DHTKD1: variants seen among roughly 807,000 people sequenced by gnomAD.
The protein encoded by DHTKD1 is dehydrogenase E1 and transketolase domain containing 1, also known as 2-oxoadipate dehydrogenase complex component E1.
In DHTKD1, 78 loss-of-function variants were observed where a neutral mutation model predicts 101.8. That is an observed-to-expected ratio of 0.77 (90% CI 0.64 to 0.93). The LOEUF is 0.93. Ranked by LOEUF, DHTKD1 falls within the 40% of genes least tolerant of loss-of-function variation. DHTKD1 has a pLI of 0.00. For synonymous variants in DHTKD1, 462 were observed against 450.3 expected (o/e 1.03, Z -0.33); for missense variants, 1,223 against 1,161.7 (o/e 1.05, Z -0.77).
intron 2 of DHTKD1, among the ~76,000 whole-genome samples, chr10:12,082,603 TTC>T (rs1564389474): frequency 7.4e-6 from 1 of 135,062 alleles, no homozygotes; most frequent in Non-Finnish European, 1.6e-5. Flanking sequence ...GGTGGTAGTT[TTC>T]TCTCTTTTTT....
intron 6 of DHTKD1, among the ~76,000 whole-genome samples, chr10:12,093,077 C>T (rs57276803): frequency 0.016 from 2,386 of 147,472 alleles, 65 homozygotes; most frequent in African/African-American, 0.057. Context: ...GAGTTTCGCT[C>T]TTGTTGCCCA....
rs551721302 is a variant in DHTKD1 at position 12,118,959 on chromosome 10, C to T, written c.2572+41C>T. ...CATTTGGGTTTTGATGTTCAGATAC[C>T]CAAAACCCATTTCAGCTCTTTTAAA... On this transcript the variant is annotated intron_variant, in intron 15 of 16. Coordinates refer to ENST00000263035, the MANE Select transcript of DHTKD1 (RefSeq NM_018706.7). 9.0e-6 allele frequency: 13 copies of T among 1,447,238 alleles called. No homozygotes were observed. The South Asian group carries it at 1.9e-4, about 21-fold the overall frequency. 89.6% of individuals were successfully genotyped at this position (1,447,238 alleles called of 1,614,324 possible). A position where few individuals can be genotyped will look rare whatever the true frequency, so the allele number is the denominator to read the frequency against.
Position 12,117,679 on chromosome 10 carries a change from G to A in DHTKD1, c.2326G>A (p.Val776Met), listed in dbSNP as rs200042516. 43 of 1,595,626 alleles carry A rather than the reference G, an allele frequency of 2.7e-5. 1 individual carries two copies. Among genetic ancestry groups the A allele is most frequent in the South Asian group, 1.1e-4 (10 of 89,086 alleles). ...PKMLLRLPAA[V>M]STLQEMAPGT... ...GGCCTCTTCTCCCTCGTAGGCAGCC[G>A]TGTCAACTCTTCAAGAAATGGCACC... Residue 776 changes from valine (V) to methionine (M), a missense_variant, in exon 14 of 17, where the codon GTG becomes ATG. Coordinates refer to ENST00000263035, the MANE Select transcript of DHTKD1 (RefSeq NM_018706.7).
intron 8 of DHTKD1, among the ~76,000 whole-genome samples, chr10:12,099,793 CTTTTTTTTTTTT>C (rs55758504): frequency 1.0e-5 from 1 of 96,188 alleles, no homozygotes; most frequent in African/African-American, 3.6e-5. Context: ...AATTTCGTTG[CTTTTTTTTTTTT>C]TTTTTTTTTG....
At chr10:12,109,771 T>C (rs1272163949) in intron 12 of DHTKD1, among the ~76,000 whole-genome samples, 2 of 150,588 alleles carry the variant, frequency 1.3e-5, no homozygotes, top group East Asian at 1.9e-4. Flanking sequence ...TGAGACCAGC[T>C]TGGGCAACAT....
intron 11 of DHTKD1, 146 bp downstream of exon 11, chr10:12,106,542 T>C (rs1185204202): frequency 1.0e-6 from 1 of 1,004,712 alleles, no homozygotes; most frequent in East Asian, 2.4e-5. Flanking sequence ...CACCCTGTTA[T>C]GACGGGAGTG....
chr10:12,100,287 G>GTTTTTTTTTTTTCTTTTTTTTTTTTTTTT (rs1554793010), intron 9 of DHTKD1, 25 bp downstream of exon 9: 2 of 248,604 alleles, frequency 8.0e-6, no homozygotes, highest in African/African-American at 3.8e-5. Flanking sequence ...TTTTTTTTCT[G>GTTTTTTTTTTTTCTTTTTTTTTTTTTTTT]TTTTTTTTTT....
intron 3 of DHTKD1, among the ~76,000 whole-genome samples, chr10:12,085,695 A>G (rs1305869347): frequency 6.6e-6 from 1 of 152,126 alleles, no homozygotes; most frequent in Non-Finnish European, 1.5e-5. Flanking sequence ...CCAGGCCAAC[A>G]TGGTGAAACC....
intron 16 of DHTKD1, 134 bp from the exon 17 acceptor site, chr10:12,120,653 C>T (rs1433845546): frequency 1.5e-5 from 12 of 778,736 alleles, no homozygotes; most frequent in East Asian, 8.3e-5. Context: ...ATCTCTTCTG[C>T]GTAACTCATT....
At chr10:12,100,955 A>C in intron 9 of DHTKD1, 87 bp from the exon 10 acceptor site, 1 of 1,361,768 alleles carries the variant, frequency 7.3e-7, no homozygotes, top group Non-Finnish European at 1.0e-6. Flanking sequence ...TCTCAGGATT[A>C]AGCCAGTATA....
At chr10:12,092,018 T>G (rs182980293) in intron 6 of DHTKD1, among the ~76,000 whole-genome samples, 2 of 150,960 alleles carry the variant, frequency 1.3e-5, no homozygotes, top group African/African-American at 4.9e-5. Context: ...TGTTGCCCTT[T>G]CCAGCTTGTA....
At position 12,081,374 on chromosome 10, in the gene DHTKD1, G is replaced by A. The variant is rs552427370; in HGVS notation, c.155-98G>A. On this transcript the variant is annotated intron_variant, in intron 1 of 16. Coordinates refer to ENST00000263035, the MANE Select transcript of DHTKD1 (RefSeq NM_018706.7). Reference sequence around the variant, plus strand: ...AAATAAATAAATAAATAAAAAGTAAGGTGTCTAGGGCTGTAAGAGCTTCTT... The same window carrying A: ...AAATAAATAAATAAATAAAAAGTAAAGTGTCTAGGGCTGTAAGAGCTTCTT... 2.5e-5 allele frequency: 23 copies of A among 909,498 alleles called. No homozygotes were observed. In the South Asian group the frequency reaches 2.8e-4, roughly 11 times the overall value. 56.3% of individuals were successfully genotyped at this position (909,498 alleles called of 1,614,324 possible).
chr10:12,079,028 G>C (rs571260945), intron 1 of DHTKD1, among the ~76,000 whole-genome samples: 2 of 152,108 alleles, frequency 1.3e-5, no homozygotes, highest in African/African-American at 4.8e-5. Flanking sequence ...GGGGGAGATC[G>C]CTCAGAGAGA....
chr10:12,074,992 C>T (rs541251332), intron 1 of DHTKD1, among the ~76,000 whole-genome samples: 14 of 152,000 alleles, frequency 9.2e-5, no homozygotes, highest in Middle Eastern at 3.4e-3. Flanking sequence ...CGGGTGTGGT[C>T]GCATGTGCCT....
chr10:12,095,812 C>CAAAAAAA (rs1185585860), intron 7 of DHTKD1, among the ~76,000 whole-genome samples: 26 of 41,480 alleles, frequency 6.3e-4, no homozygotes, highest in South Asian at 3.6e-3. Flanking sequence ...GACTCCGTCT[C>CAAAAAAA]AAAAAAAAAA....
chr10:12,105,375 G>A (rs1051598316), intron 10 of DHTKD1, among the ~76,000 whole-genome samples: 1 of 151,994 alleles, frequency 6.6e-6, no homozygotes, highest in Non-Finnish European at 1.5e-5. Flanking sequence ...GAGTGCAGTG[G>A]TGCGATTATA....
At chr10:12,076,110 C>G (rs1449655741) in intron 1 of DHTKD1, among the ~76,000 whole-genome samples, 4 of 152,132 alleles carry the variant, frequency 2.6e-5, no homozygotes, top group Non-Finnish European at 4.4e-5. Flanking sequence ...GCTGCATATG[C>G]TAGAGAGAAG....
At position 12,120,955 on chromosome 10, in the gene DHTKD1, C is replaced by T; in HGVS notation, c.*67C>T. 1 of 1,445,990 alleles carries T rather than the reference C, an allele frequency of 6.9e-7. No individual in the cohort carries two copies. 89.6% of individuals were successfully genotyped at this position (1,445,990 alleles called of 1,614,324 possible). A position where few individuals can be genotyped will look rare whatever the true frequency, so the allele number is the denominator to read the frequency against. ...GCCATTAAGGCCGGGTGGGGTGGCACATGCCTGTAATCCCAGCACTTTGGG... is the reference window on the plus strand; with the variant it reads ...GCCATTAAGGCCGGGTGGGGTGGCATATGCCTGTAATCCCAGCACTTTGGG... On this transcript the variant is annotated 3_prime_UTR_variant, in exon 17 of 17. Coordinates refer to ENST00000263035, the MANE Select transcript of DHTKD1 (RefSeq NM_018706.7).
intron 1 of DHTKD1, among the ~76,000 whole-genome samples, chr10:12,077,002 A>T (rs1348872845): frequency 7.6e-5 from 10 of 132,340 alleles, no homozygotes; most frequent in Non-Finnish European, 1.4e-4. Context: ...AAAAGGAAGA[A>T]AAAAGAACAA....
Sources: gnomAD v4.1 joint callset for allele counts (sites outside exome capture counted in the v4.1 genomes callset) on GRCh38, gnomAD v4.1.1 for gene constraint, MANE v1.5 for transcripts, NCBI Gene and HGNC (gene_info 2026-07-23, HGNC 2026-07-21) for gene names.